DPP6: variants seen among roughly 807,000 people sequenced by gnomAD.
DPP6 encodes the protein dipeptidyl peptidase like 6.
In DPP6, 69 loss-of-function variants were observed where a neutral mutation model predicts 122.6. The observed-to-expected ratio is 0.56, with a 90% CI of 0.46 to 0.69. The LOEUF (loss-of-function observed/expected upper bound fraction) is 0.69. Among genes scored for constraint, DPP6 ranks in the 30% least tolerant of loss-of-function variants. DPP6 has a pLI of 0.00. For missense variants in DPP6, 928 were observed against 1,116.9 expected, an observed-to-expected ratio of 0.83 and a Z score of 2.41; for synonymous variants, 418 against 433.1, an observed-to-expected ratio of 0.97 and a Z score of 0.43.
intron 10 of DPP6, among the ~76,000 whole-genome samples, chr7:154,791,854 C>G (rs937879355): frequency 1.1e-4 from 16 of 152,224 alleles, no homozygotes; most frequent in African/African-American, 3.9e-4. Context: ...AGTGACATTT[C>G]CAGCACGATT....
intron 1 of DPP6, among the ~76,000 whole-genome samples, chr7:154,326,521 C>T (rs973334695): frequency 5.3e-5 from 8 of 152,188 alleles, no homozygotes; most frequent in African/African-American, 1.4e-4. Context: ...CACCAGTGGA[C>T]TAATTTCCCT....
At chr7:154,509,720 C>T (rs1432003782) in intron 3 of DPP6, among the ~76,000 whole-genome samples, 1 of 152,154 alleles carries the variant, frequency 6.6e-6, no homozygotes, top group Non-Finnish European at 1.5e-5. Context: ...GTGCAAACAA[C>T]CCAAATGTAC....
At chr7:154,381,071 A>AG (rs1184187009) in intron 1 of DPP6, among the ~76,000 whole-genome samples, 1 of 152,006 alleles carries the variant, frequency 6.6e-6, no homozygotes, top group Non-Finnish European at 1.5e-5. Flanking sequence ...CTCTGCCATG[A>AG]GGGGGATCCT....
At chr7:154,299,379 A>C (rs1194579588) in intron 1 of DPP6, among the ~76,000 whole-genome samples, 1 of 152,244 alleles carries the variant, frequency 6.6e-6, no homozygotes. Flanking sequence ...GGAGAGTTCT[A>C]GTTGAAATGT....
At chr7:154,610,058 C>T (rs138040073) in intron 5 of DPP6, among the ~76,000 whole-genome samples, 235 of 152,244 alleles carry the variant, frequency 1.5e-3, no homozygotes, top group Middle Eastern at 6.8e-3. Flanking sequence ...ATGTTGTATG[C>T]GGTGTGTTAG....
intron 5 of DPP6, among the ~76,000 whole-genome samples, chr7:154,635,586 C>T (rs1460210523): frequency 6.6e-6 from 1 of 152,218 alleles, no homozygotes; most frequent in African/African-American, 2.4e-5. Flanking sequence ...TTACCCCAAA[C>T]TCAGTGGCTT....
At chr7:153,829,451 T>C in the DPP6 span, among the ~76,000 whole-genome samples, 13 of 152,272 alleles carry the variant, frequency 8.5e-5, no homozygotes, top group South Asian at 8.3e-4. Flanking sequence ...TCTGACTTCA[T>C]GATCTGCCCA....
chr7:153,991,289 T>C (rs188777283), intron 1 of DPP6, among the ~76,000 whole-genome samples: 1 of 152,114 alleles, frequency 6.6e-6, no homozygotes, highest in Admixed American at 6.5e-5. Context: ...TTATATATCT[T>C]TTAGAGTGAT....
At chr7:154,187,369 G>A (rs1798401190) in intron 1 of DPP6, among the ~76,000 whole-genome samples, 1 of 152,198 alleles carries the variant, frequency 6.6e-6, no homozygotes. Context: ...ACTGTTTTAA[G>A]TGGCTTTGCT....
chr7:154,212,416 G>A (rs937763443), intron 1 of DPP6, among the ~76,000 whole-genome samples: 7 of 152,170 alleles, frequency 4.6e-5, no homozygotes, highest in Admixed American at 1.3e-4. Context: ...CACAAAACAA[G>A]GACTCTATTT....
intron 21 of DPP6, chr7:154,883,983 T>C (rs1469723239): frequency 7.8e-6 from 1 of 128,130 alleles, no homozygotes; most frequent in Non-Finnish European, 1.7e-5. Flanking sequence ...TACATACACA[T>C]GCTCACACAT....
chr7:154,477,147 G>A (rs1199774857), intron 3 of DPP6, among the ~76,000 whole-genome samples: 1 of 152,094 alleles, frequency 6.6e-6, no homozygotes, highest in African/African-American at 2.4e-5. Flanking sequence ...TCATTGCAGA[G>A]TTACTTCATT....
chr7:154,451,664 C>T (rs1820393018), intron 2 of DPP6, among the ~76,000 whole-genome samples: 1 of 152,218 alleles, frequency 6.6e-6, no homozygotes, highest in African/African-American at 2.4e-5. Flanking sequence ...AACTCTTCTC[C>T]CTCCATGCTG....
At chr7:154,694,471 G>T (rs1563112036) in intron 7 of DPP6, among the ~76,000 whole-genome samples, 1 of 152,158 alleles carries the variant, frequency 6.6e-6, no homozygotes, top group Non-Finnish European at 1.5e-5. Context: ...AATTAGCCAG[G>T]CATGGTGGCG....
intron 1 of DPP6, among the ~76,000 whole-genome samples, chr7:154,113,412 T>TATATATATATATATAC (rs1472172445): frequency 2.1e-5 from 3 of 141,816 alleles, no homozygotes; most frequent in East Asian, 2.3e-4. Context: ...TATATATATA[T>TATATATATATATATAC]ACACACACAC....
upstream of DPP6, among the ~76,000 whole-genome samples, chr7:154,051,634 T>C (rs1487667673): frequency 1.1e-4 from 17 of 148,628 alleles, no homozygotes. Flanking sequence ...GGCGCAGGCT[T>C]TGGAAAAGTT....
intron 5 of DPP6, among the ~76,000 whole-genome samples, chr7:154,629,900 G>T (rs886793716): frequency 1.3e-5 from 2 of 152,088 alleles, no homozygotes; most frequent in Non-Finnish European, 2.9e-5. Flanking sequence ...ATTCTTAATG[G>T]GATTCCGGTT....
chr7:153,757,922 G>A, the DPP6 span, among the ~76,000 whole-genome samples: 1 of 152,188 alleles, frequency 6.6e-6, no homozygotes, highest in Admixed American at 6.5e-5. Flanking sequence ...TCGTGCCACT[G>A]CACTCCAGCC....
chr7:154,013,689 CT>C (rs1417542314), intron 1 of DPP6, among the ~76,000 whole-genome samples: 3 of 151,830 alleles, frequency 2.0e-5, no homozygotes, highest in African/African-American at 7.3e-5. Context: ...AATTTTGAGC[CT>C]ACTTTCTTGT....
Sources: gnomAD v4.1 joint callset for allele counts (sites outside exome capture counted in the v4.1 genomes callset) on GRCh38, gnomAD v4.1.1 for gene constraint, MANE v1.5 for transcripts, NCBI Gene and HGNC (gene_info 2026-07-23, HGNC 2026-07-21) for gene names.